NRF1: variants seen among roughly 807,000 people sequenced by gnomAD.
The protein encoded by NRF1 is alpha palindromic-binding protein.
In NRF1, 5 loss-of-function variants were observed where a neutral mutation model predicts 58.5. That is an observed-to-expected ratio of 0.09 (90% confidence interval 0.04 to 0.18). The LOEUF (loss-of-function observed/expected upper bound fraction) is 0.18, where lower values mean the gene tolerates loss of function less well. Ranked by LOEUF, NRF1 falls within the 10% of genes least tolerant of loss-of-function variation. The pLI is 1.00. For missense variants in NRF1, 288 were observed against 657.7 expected, an observed-to-expected ratio of 0.44 and a Z score of 6.15; for synonymous variants, 224 against 246.7, an observed-to-expected ratio of 0.91 and a Z score of 0.86.
At chr7:129,724,968 C>T (rs751688435) in intron 9 of NRF1, among the ~76,000 whole-genome samples, 43 of 152,186 alleles carry the variant, frequency 2.8e-4, no homozygotes, top group Non-Finnish European at 5.1e-4. Flanking sequence ...CAGCTATTTG[C>T]GTCAGGAGGC....
intron 1 of NRF1, among the ~76,000 whole-genome samples, chr7:129,619,395 T>A (rs1800721891): frequency 2.5e-5 from 1 of 39,884 alleles, no homozygotes; most frequent in South Asian, 1.1e-3. Context: ...TTGGCATACG[T>A]GTATATATAT....
intron 9 of NRF1, among the ~76,000 whole-genome samples, chr7:129,719,772 A>G (rs989994106): frequency 2.6e-5 from 4 of 152,084 alleles, no homozygotes; most frequent in Admixed American, 1.3e-4. Context: ...CCTGAAAGGC[A>G]TGGCCAAGTG....
intron 4 of NRF1, among the ~76,000 whole-genome samples, 171 bp from the exon 5 acceptor site, chr7:129,690,235 A>G (rs1314771608): frequency 6.6e-6 from 1 of 152,190 alleles, no homozygotes. Context: ...AATTATGTTC[A>G]GTATGATGTC....
At chr7:129,697,314 T>G (rs1224380406) in intron 5 of NRF1, among the ~76,000 whole-genome samples, 1 of 151,530 alleles carries the variant, frequency 6.6e-6, no homozygotes, top group East Asian at 1.9e-4. Flanking sequence ...GAGGCTGAGG[T>G]GGGCAGATCA....
At chr7:129,675,393 C>T (rs574693211) in intron 3 of NRF1, among the ~76,000 whole-genome samples, 1 of 152,330 alleles carries the variant, frequency 6.6e-6, no homozygotes, top group South Asian at 2.1e-4. Flanking sequence ...TACAAGTACT[C>T]TTAATGGCAT....
chr7:129,744,081 G>A, intron 10 of NRF1: 1 of 1,190,820 alleles, frequency 8.4e-7, no homozygotes, highest in South Asian at 1.4e-5. Context: ...AGATGTGCAT[G>A]GGAGGCTGCA....
At chr7:129,644,309 G>A (rs1443214809) in intron 1 of NRF1, among the ~76,000 whole-genome samples, 1 of 152,126 alleles carries the variant, frequency 6.6e-6, no homozygotes, top group Non-Finnish European at 1.5e-5. Context: ...AAAAGACAGC[G>A]TACTTTTGAC....
intron 1 of NRF1, among the ~76,000 whole-genome samples, chr7:129,629,658 A>C (rs574624939): frequency 2.6e-5 from 4 of 152,334 alleles, no homozygotes; most frequent in South Asian, 2.1e-4. Flanking sequence ...GAAGCGCTTT[A>C]TGCATACTTT....
At chr7:129,674,089 C>T (rs980882183) in intron 3 of NRF1, among the ~76,000 whole-genome samples, 7 of 151,800 alleles carry the variant, frequency 4.6e-5, no homozygotes, top group African/African-American at 7.3e-5. Context: ...TGCAGTGAGC[C>T]GAGATCGCAC....
At chr7:129,727,411 T>G in intron 10 of NRF1, 46 bp downstream of exon 10, 2 of 1,550,046 alleles carry the variant, frequency 1.3e-6, no homozygotes, top group South Asian at 2.5e-5. Flanking sequence ...CTGTTTCCAC[T>G]TAAACCTTCC....
intron 1 of NRF1, among the ~76,000 whole-genome samples, chr7:129,633,035 A>G (rs1329707845): frequency 6.6e-6 from 1 of 152,150 alleles, no homozygotes; most frequent in Non-Finnish European, 1.5e-5. Context: ...ATTTTAATTG[A>G]TTCTTAGTTG....
chr7:129,640,934 A>G (rs73466657), intron 1 of NRF1, among the ~76,000 whole-genome samples: 2,519 of 152,328 alleles, frequency 0.017, 61 homozygotes, highest in African/African-American at 0.058. Flanking sequence ...TTGGGAACCA[A>G]AGTAAACAGT....
At chr7:129,659,292 C>T (rs1248028306) in intron 2 of NRF1, among the ~76,000 whole-genome samples, 5 of 152,010 alleles carry the variant, frequency 3.3e-5, no homozygotes, top group East Asian at 1.9e-4. Context: ...TTGGCCAGGC[C>T]GGTCTTGAAT....
intron 4 of NRF1, among the ~76,000 whole-genome samples, chr7:129,687,893 A>G (rs1415903115): frequency 6.6e-6 from 1 of 152,254 alleles, no homozygotes; most frequent in East Asian, 1.9e-4. Context: ...GCAAGCTTAG[A>G]TAGAAATGCT....
At chr7:129,627,913 T>C (rs762775408) in intron 1 of NRF1, among the ~76,000 whole-genome samples, 41 of 152,102 alleles carry the variant, frequency 2.7e-4, no homozygotes, top group Non-Finnish European at 5.3e-4. Context: ...GTAAGTAGCA[T>C]AGGTCTAGTT....
intron 1 of NRF1, among the ~76,000 whole-genome samples, chr7:129,620,257 T>C (rs555233715): frequency 7.9e-5 from 12 of 152,162 alleles, no homozygotes; most frequent in Admixed American, 3.3e-4. Flanking sequence ...AAAGCAAAGC[T>C]TAACCGATTT....
chr7:129,694,847 CAA>C (rs1465844901), intron 5 of NRF1, among the ~76,000 whole-genome samples: 2 of 152,162 alleles, frequency 1.3e-5, no homozygotes, highest in African/African-American at 4.8e-5. Context: ...CAATGCATAT[CAA>C]AGTCTAAAAG....
intron 1 of NRF1, among the ~76,000 whole-genome samples, chr7:129,628,743 T>C (rs1034282233): frequency 9.9e-5 from 15 of 152,232 alleles, no homozygotes; most frequent in African/African-American, 3.1e-4. Context: ...TTCTTTGATA[T>C]ATTAAAACTC....
chr7:129,655,351 G>T (rs1192196414), intron 1 of NRF1, among the ~76,000 whole-genome samples: 1 of 151,892 alleles, frequency 6.6e-6, no homozygotes, highest in South Asian at 2.1e-4. Context: ...GATTATTTTG[G>T]ATTTTCTACA....
Sources: allele counts gnomAD v4.1 joint callset (sites outside exome capture counted in the v4.1 genomes callset), GRCh38; gene constraint gnomAD v4.1.1; transcripts MANE v1.5; gene names NCBI Gene and HGNC (gene_info 2026-07-23, HGNC 2026-07-21).